RAPGEF5: variants seen among roughly 807,000 people sequenced by gnomAD.
RAPGEF5 encodes the protein M-Ras-regulated GEF.
RAPGEF5 carries 65 observed loss-of-function variants against 125.2 expected under a neutral mutation model. The observed-to-expected ratio is 0.52, with a 90% CI of 0.43 to 0.64. RAPGEF5 has a LOEUF of 0.64. Among genes scored for constraint, RAPGEF5 ranks in the 30% least tolerant of loss-of-function variants. The probability of loss-of-function intolerance (pLI) is 0.00; values close to 1 mark genes in which losing one functional copy is unlikely to be tolerated. For synonymous variants in RAPGEF5, 391 were observed against 385.9 expected, an observed-to-expected ratio of 1.01 and a Z score of -0.16; for missense variants, 958 against 1,048.1, an observed-to-expected ratio of 0.91 and a Z score of 1.19.
intron 23 of RAPGEF5, among the ~76,000 whole-genome samples, chr7:22,133,734 G>C (rs1458130441): frequency 6.6e-6 from 1 of 152,098 alleles, no homozygotes. Flanking sequence ...CATGAACTAC[G>C]ACTCCTTAGA....
chr7:22,160,714 G>C, intron 13 of RAPGEF5, 99 bp from the exon 14 acceptor site: 1 of 1,345,998 alleles, frequency 7.4e-7, no homozygotes, highest in Non-Finnish European at 9.6e-7. Flanking sequence ...AATAAGGAGG[G>C]ATTCAGGACA....
chr7:22,323,347 T>C (rs1783753601), intron 1 of RAPGEF5, among the ~76,000 whole-genome samples: 1 of 152,176 alleles, frequency 6.6e-6, no homozygotes, highest in Admixed American at 6.5e-5. Context: ...CACAAACCTT[T>C]CACTGCAAGG....
intron 25 of RAPGEF5, among the ~76,000 whole-genome samples, chr7:22,124,483 A>G (rs1159577344): frequency 6.6e-6 from 1 of 152,218 alleles, no homozygotes; most frequent in Non-Finnish European, 1.5e-5. Context: ...CTTTTCAAAG[A>G]GAAAACATAA....
chr7:22,118,599 C>T lies in RAPGEF5; in HGVS notation c.*3807G>A, dbSNP rs921596279. ...CAGTTCTTTAAATGGTGGAAAACTA[C>T]CAAGTGTAGTCCCTGAGAAGTTAGG... On this transcript the variant is annotated 3_prime_UTR_variant, in exon 26 of 26. Coordinates refer to ENST00000665637, the MANE Select transcript of RAPGEF5 (RefSeq NM_012294.5). 4 of 152,524 alleles carry T rather than the reference C, an allele frequency of 2.6e-5. No homozygotes were observed. Among genetic ancestry groups the T allele is most frequent in the African/African-American group, 9.7e-5 (4 of 41,410 alleles). The allele number at this position is 152,524 out of a possible 1,614,324, so 9.4% of individuals were successfully genotyped here.
intron 1 of RAPGEF5, among the ~76,000 whole-genome samples, chr7:22,322,174 C>T (rs577399331): frequency 1.5e-4 from 22 of 150,208 alleles, no homozygotes; most frequent in African/African-American, 5.1e-4. Context: ...CTCACCATGT[C>T]GTCCAGGCTG....
chr7:22,215,653 C>T (rs1450196410), intron 9 of RAPGEF5, among the ~76,000 whole-genome samples: 1 of 152,212 alleles, frequency 6.6e-6, no homozygotes, highest in African/African-American at 2.4e-5. Context: ...GTAACACCAA[C>T]TCAGATTACA....
chr7:22,195,479 G>A (rs567468818), intron 9 of RAPGEF5, among the ~76,000 whole-genome samples: 2 of 152,220 alleles, frequency 1.3e-5, no homozygotes, highest in African/African-American at 4.8e-5. Context: ...TCTTTTAGTG[G>A]TAAATAATTT....
chr7:22,314,644 A>T, intron 3 of RAPGEF5: 1 of 981,194 alleles, frequency 1.0e-6, no homozygotes, highest in African/African-American at 1.7e-5. Context: ...TCTTTGAAAT[A>T]GAATAGTGAT....
intron 9 of RAPGEF5, among the ~76,000 whole-genome samples, chr7:22,204,395 C>T (rs140927347): frequency 5.3e-5 from 8 of 152,262 alleles, no homozygotes; most frequent in African/African-American, 1.9e-4. Context: ...ATCACTCTTC[C>T]CAAATTTCCT....
intron 5 of RAPGEF5, among the ~76,000 whole-genome samples, chr7:22,300,029 T>C (rs1429577256): frequency 6.6e-6 from 1 of 151,726 alleles, no homozygotes; most frequent in Non-Finnish European, 1.5e-5. Flanking sequence ...CTCACTCAAT[T>C]TGGGAAGCTT....
chr7:22,333,924 G>A (rs6968552), intron 1 of RAPGEF5, among the ~76,000 whole-genome samples: 2 of 151,980 alleles, frequency 1.3e-5, no homozygotes, highest in Admixed American at 1.3e-4. Context: ...GCTCGTGCTT[G>A]TGCCCCAAGA....
At chr7:22,219,532 C>A (rs375882936) in intron 9 of RAPGEF5, among the ~76,000 whole-genome samples, 1 of 151,328 alleles carries the variant, frequency 6.6e-6, no homozygotes, top group African/African-American at 2.4e-5. Flanking sequence ...TCATGTTCTA[C>A]AAACTATATG....
intron 1 of RAPGEF5, among the ~76,000 whole-genome samples, chr7:22,325,370 C>A (rs1026084206): frequency 2.0e-5 from 3 of 152,078 alleles, no homozygotes; most frequent in Non-Finnish European, 4.4e-5. Context: ...TGATAACCTG[C>A]CAAGTGGTAA....
chr7:22,315,248 CA>C, intron 3 of RAPGEF5, 121 bp downstream of exon 3: 2 of 1,183,608 alleles, frequency 1.7e-6, no homozygotes, highest in South Asian at 3.6e-5. Flanking sequence ...CCCAATAGAA[CA>C]AACAAACCCT....
In RAPGEF5 at chr7:22,160,805, C is replaced by CT. The variant is rs567250562; in HGVS notation, c.1429-191dup. 1.1e-4 allele frequency among the ~76,000 whole-genome samples: 16 copies of CT among 152,302 alleles called. No individual in the cohort carries two copies. In the South Asian group the frequency reaches 3.3e-3, roughly 32 times the overall value. On this transcript the variant is annotated intron_variant, in intron 13 of 25. Coordinates refer to ENST00000665637, the MANE Select transcript of RAPGEF5 (RefSeq NM_012294.5). ...CTCCTCTCTCAACTGCCATGGCTCTCTATCTGCTTTCAGGGCCATAGGTGG... is the reference window on the plus strand; with the variant it reads ...CTCCTCTCTCAACTGCCATGGCTCTCTTATCTGCTTTCAGGGCCATAGGTGG...
At chr7:22,316,508 T>A (rs1783602838) in intron 2 of RAPGEF5, among the ~76,000 whole-genome samples, 1 of 139,890 alleles carries the variant, frequency 7.1e-6, no homozygotes. Context: ...TTTTTTTTTT[T>A]GAGGCAGGGT....
chr7:22,125,309 G>A, intron 25 of RAPGEF5: 1 of 315,936 alleles, frequency 3.2e-6, no homozygotes, highest in Non-Finnish European at 6.1e-6. Flanking sequence ...ACACTGTGGG[G>A]ACAGGAGTCA....
intron 1 of RAPGEF5, among the ~76,000 whole-genome samples, chr7:22,324,275 C>G (rs1418431594): frequency 6.6e-6 from 1 of 152,138 alleles, no homozygotes; most frequent in East Asian, 1.9e-4. Flanking sequence ...TTCAAAGTAA[C>G]TGGCCTGTAC....
At chr7:22,196,074 T>C (rs952243191) in intron 9 of RAPGEF5, among the ~76,000 whole-genome samples, 9 of 152,224 alleles carry the variant, frequency 5.9e-5, no homozygotes, top group African/African-American at 2.2e-4. Flanking sequence ...CTGAATCATA[T>C]TGATGTACTA....
Sources: gnomAD v4.1 joint callset for allele counts (sites outside exome capture counted in the v4.1 genomes callset) on GRCh38, gnomAD v4.1.1 for gene constraint, MANE v1.5 for transcripts, NCBI Gene and HGNC (gene_info 2026-07-23, HGNC 2026-07-21) for gene names.